Variants in UNC80 observed in about 807,000 individuals in gnomAD.
UNC80 encodes unc-80 subunit of NALCN channel complex, also known as protein unc-80 homolog.
A neutral mutation model predicts 384.6 loss-of-function variants in UNC80; 164 were observed. That is an observed-to-expected ratio of 0.43 (90% CI 0.38 to 0.49). The LOEUF (loss-of-function observed/expected upper bound fraction) is 0.49, where lower values mean the gene tolerates loss of function less well. Ranked by LOEUF, UNC80 falls within the 20% of genes least tolerant of loss-of-function variation. The probability of loss-of-function intolerance (pLI) is 0.00; values close to 1 mark genes in which losing one functional copy is unlikely to be tolerated. For synonymous variants in UNC80, 1,486 were observed against 1,527.8 expected, an observed-to-expected ratio of 0.97 and a Z score of 0.64; for missense variants, 3,330 against 4,143.0, an observed-to-expected ratio of 0.80 and a Z score of 5.39.
chr2:209,915,846 T>C (rs566585482), intron 31 of UNC80, among the ~76,000 whole-genome samples: 1 of 152,244 alleles, frequency 6.6e-6, no homozygotes, highest in East Asian at 1.9e-4. Context: ...TAACAAAGTA[T>C]TGTATATTTT....
intron 48 of UNC80, among the ~76,000 whole-genome samples, chr2:209,957,382 G>C (rs2092454025): frequency 1.3e-5 from 2 of 152,140 alleles, no homozygotes; most frequent in Admixed American, 1.3e-4. Flanking sequence ...TGTTGGAAGA[G>C]TCATTTTGAC....
At chr2:209,843,342 A>T (rs2081910293) in intron 21 of UNC80, among the ~76,000 whole-genome samples, 1 of 152,192 alleles carries the variant, frequency 6.6e-6, no homozygotes, top group South Asian at 2.1e-4. Context: ...GTTTGTATTG[A>T]TTAATTTTTG....
chr2:209,794,336 G>A (rs2078020639), intron 7 of UNC80, among the ~76,000 whole-genome samples: 1 of 152,076 alleles, frequency 6.6e-6, no homozygotes, highest in Non-Finnish European at 1.5e-5. Flanking sequence ...ACCTTCTCCA[G>A]AAACAAGAAA....
At chr2:209,862,402 G>A (rs1055430433) in intron 22 of UNC80, among the ~76,000 whole-genome samples, 1 of 152,146 alleles carries the variant, frequency 6.6e-6, no homozygotes, top group African/African-American at 2.4e-5. Context: ...TCATTGATCT[G>A]TCTAATATTG....
chr2:209,835,572 C>A (rs981060050), intron 18 of UNC80, among the ~76,000 whole-genome samples: 1 of 152,126 alleles, frequency 6.6e-6, no homozygotes, highest in Non-Finnish European at 1.5e-5. Flanking sequence ...ATTAGTGCCC[C>A]CAGAAAATAT....
At position 209,844,489 on chromosome 2, in the gene UNC80, TTCC is replaced by T. The variant is rs1559186115; in HGVS notation, c.3454+2045_3454+2047del. Among the ~76,000 whole-genome samples the T allele has an allele frequency of 2.3e-3, 220 of 96,880 alleles. 12 individuals carry two copies. The highest frequency in any genetic ancestry group is 8.6e-3 in the African/African-American group (211 of 24,464). 63.6% of individuals were successfully genotyped at this position (96,880 alleles called of 152,430 possible). On this transcript the variant is annotated intron_variant, in intron 21 of 64. Transcript: ENST00000673920. ...TTTCTTTCTTTCTTTCCTTCCTTCC[TTCC>T]TTCCTTCCTTCCTTCCTTCCTTCCT... is the stretch of plus-strand genomic sequence containing the variant.
At chr2:209,945,965 G>T (rs1434019147) in intron 47 of UNC80, 22 bp downstream of exon 47, 1 of 1,494,570 alleles carries the variant, frequency 6.7e-7, no homozygotes, top group Non-Finnish European at 9.1e-7. Context: ...CCTTTATTCT[G>T]TGCCTTGTGA....
intron 22 of UNC80, among the ~76,000 whole-genome samples, chr2:209,867,349 C>T (rs978503292): frequency 6.6e-6 from 1 of 151,778 alleles, no homozygotes; most frequent in Non-Finnish European, 1.5e-5. Context: ...AGAGAATTTC[C>T]ATTTATTTTG....
Position 209,894,048 on chromosome 2 carries a change from T to A in UNC80, c.4277-115T>A, listed in dbSNP as rs999868802. The A allele has an allele frequency of 1.4e-5, 9 of 630,358 alleles. No individual in the cohort carries two copies. The African/African-American group carries it at 1.8e-4, about 13-fold the overall frequency. The allele number at this position is 630,358 out of a possible 1,614,324, so 39.0% of individuals were successfully genotyped here. On this transcript the variant is annotated intron_variant, in intron 26 of 64. Transcript: ENST00000673920. Reference sequence around the variant, plus strand: ...CTTGGGAGAAGCTCCTTGTCCAGAGTGCTCATCCAGGCCAGCAGAGGAGGC... The same window carrying A: ...CTTGGGAGAAGCTCCTTGTCCAGAGAGCTCATCCAGGCCAGCAGAGGAGGC...
chr2:209,926,714 T>C, intron 35 of UNC80, 129 bp from the exon 36 acceptor site: 1 of 1,148,726 alleles, frequency 8.7e-7, no homozygotes. Flanking sequence ...AAGTCGAGGC[T>C]GCAGTGAGCA....
chr2:209,959,442 C>T, intron 50 of UNC80, 47 bp from the exon 51 acceptor site: 1 of 1,517,946 alleles, frequency 6.6e-7, no homozygotes, highest in Non-Finnish European at 9.0e-7. Context: ...ACAGCTGCTA[C>T]ATGAATACAT....
At chr2:209,889,434 C>T (rs977113512) in intron 26 of UNC80, among the ~76,000 whole-genome samples, 5 of 152,228 alleles carry the variant, frequency 3.3e-5, no homozygotes, top group African/African-American at 4.8e-5. Flanking sequence ...CTTGTATGCA[C>T]ATACACACCT....
chr2:209,866,594 T>C (rs2083850384), intron 22 of UNC80, among the ~76,000 whole-genome samples: 1 of 150,126 alleles, frequency 6.7e-6, no homozygotes, highest in South Asian at 2.1e-4. Context: ...GTCAATAGTA[T>C]TGCAGTTGGA....
rs2091281715 is a variant in UNC80, at chr2:209,936,863, A to G, written c.6293A>G (p.Asn2098Ser). The change falls in exon 41 of 65, where the codon AAT becomes AGT. Residue 2098 changes from asparagine to serine, a missense_variant. Coordinates refer to ENST00000673920, the MANE Select transcript of UNC80 (RefSeq NM_001371986.1). ...TTCTAGGAGTGTCTGGAGTTTTTTA[A>G]TATCCCAGAATCCCAGTCAACACAT... ...ALLKECLEFF[N>S]IPESQSTHYF... 2 of 1,550,250 alleles carry G rather than the reference A, an allele frequency of 1.3e-6. No individual in the cohort carries two copies. Among genetic ancestry groups the G allele is most frequent in the African/African-American group, 1.4e-5 (1 of 72,914 alleles).
chr2:209,843,978 A>G (rs934240266), intron 21 of UNC80, among the ~76,000 whole-genome samples: 5 of 152,146 alleles, frequency 3.3e-5, no homozygotes, highest in Admixed American at 6.6e-5. Context: ...TCTTTTGAAA[A>G]TGTTCCTATC....
At chr2:209,943,338 C>T in intron 44 of UNC80, 42 bp from the exon 45 acceptor site, 2 of 1,548,436 alleles carry the variant, frequency 1.3e-6, no homozygotes, top group Non-Finnish European at 1.7e-6. Context: ...AACTTTGATA[C>T]TTCATTAAGG....
intron 34 of UNC80, 91 bp downstream of exon 34, chr2:209,921,777 G>A (rs1488792556): frequency 1.5e-6 from 2 of 1,325,234 alleles, no homozygotes; most frequent in African/African-American, 1.5e-5. Flanking sequence ...TGTGACATGA[G>A]GTGATATGCC....
intron 6 of UNC80, among the ~76,000 whole-genome samples, chr2:209,792,970 A>G (rs950042560): frequency 6.6e-5 from 10 of 152,220 alleles, no homozygotes; most frequent in Non-Finnish European, 1.0e-4. Context: ...TTAATTCATG[A>G]AATTTCTAGC....
chr2:209,785,747 G>A (rs998813869), intron 4 of UNC80, among the ~76,000 whole-genome samples: 1 of 152,102 alleles, frequency 6.6e-6, no homozygotes, highest in African/African-American at 2.4e-5. Flanking sequence ...ATCTGCCAAG[G>A]CTCCTGAAAT....
Sources: allele counts gnomAD v4.1 joint callset (sites outside exome capture counted in the v4.1 genomes callset), GRCh38; gene constraint gnomAD v4.1.1; transcripts MANE v1.5; gene names NCBI Gene and HGNC (gene_info 2026-07-23, HGNC 2026-07-21).